The following GFRA1 variants were observed in gnomAD, a reference collection of about 807,000 sequenced individuals.
GFRA1 encodes the protein GDNF family receptor alpha 1.
A neutral mutation model predicts 51.6 loss-of-function variants in GFRA1; 16 were observed. The ratio of observed to expected loss-of-function variants is 0.31; its 90% CI spans 0.21 to 0.47. The LOEUF is 0.47. Among genes scored for constraint, GFRA1 ranks in the 20% least tolerant of loss-of-function variants. GFRA1 has a pLI of 1.00. For synonymous variants in GFRA1, 270 were observed against 241.3 expected (o/e 1.12, Z -1.10); for missense variants, 530 against 594.3 (o/e 0.89, Z 1.13).
chr10:116,133,907 A>C (rs904346964), intron 5 of GFRA1, among the ~76,000 whole-genome samples: 9 of 152,222 alleles, frequency 5.9e-5, no homozygotes, highest in African/African-American at 2.2e-4. Flanking sequence ...AACTGCCTTT[A>C]TCTCAAATAC....
At chr10:116,136,322 G>A (rs1019435553) in intron 5 of GFRA1, among the ~76,000 whole-genome samples, 1 of 152,150 alleles carries the variant, frequency 6.6e-6, no homozygotes. Flanking sequence ...ATTTTATGGG[G>A]TACAAACTGT....
chr10:116,093,433 C>T (rs1003297181), intron 8 of GFRA1, among the ~76,000 whole-genome samples: 1 of 152,156 alleles, frequency 6.6e-6, no homozygotes, highest in Non-Finnish European at 1.5e-5. Flanking sequence ...TCTCTCAGGC[C>T]TTTGGATTCA....
At chr10:116,104,664 C>T (rs948237108) in intron 6 of GFRA1, among the ~76,000 whole-genome samples, 15 of 152,160 alleles carry the variant, frequency 9.9e-5, no homozygotes, top group Admixed American at 7.2e-4. Flanking sequence ...AGTAGCCCCC[C>T]GAGGGAAGTC....
chr10:116,227,760 A>T (rs1010861774), intron 4 of GFRA1, among the ~76,000 whole-genome samples: 4 of 152,198 alleles, frequency 2.6e-5, no homozygotes, highest in African/African-American at 9.7e-5. Flanking sequence ...AACAGAGCTT[A>T]ATTCCATCTC....
chr10:116,238,273 C>G (rs976408628), intron 4 of GFRA1, among the ~76,000 whole-genome samples: 5 of 152,138 alleles, frequency 3.3e-5, no homozygotes, highest in Non-Finnish European at 7.4e-5. Flanking sequence ...ACGCCGCCTG[C>G]CAGGTAACCT....
At chr10:116,243,724 T>C (rs1967609685) in intron 4 of GFRA1, among the ~76,000 whole-genome samples, 1 of 152,064 alleles carries the variant, frequency 6.6e-6, no homozygotes, top group African/African-American at 2.4e-5. Flanking sequence ...TTGATTCCAG[T>C]GTACAGCCTG....
intron 9 of GFRA1, among the ~76,000 whole-genome samples, chr10:116,084,833 C>G (rs1192421977): frequency 6.7e-6 from 1 of 149,954 alleles, no homozygotes; most frequent in African/African-American, 2.5e-5. Context: ...TTTAAATATC[C>G]TGAGCTTTTT....
At position 116,063,804 on chromosome 10, in the gene GFRA1, C is replaced by T. The variant is rs1221166460; in HGVS notation, c.*594G>A. ...CAAGAGTGCAGAACTGTTTACAGTACATAAACATCAGCGTGGAAAATGCTA... is the reference window on the plus strand; with the variant it reads ...CAAGAGTGCAGAACTGTTTACAGTATATAAACATCAGCGTGGAAAATGCTA... On this transcript the variant is annotated 3_prime_UTR_variant, in exon 11 of 11. Coordinates refer to ENST00000355422, the MANE Select transcript of GFRA1 (RefSeq NM_005264.8). 2 of 156,504 alleles carry T rather than the reference C, an allele frequency of 1.3e-5. No individual in the cohort carries two copies. The highest frequency in any genetic ancestry group is 2.0e-4 in the South Asian group (1 of 5,114). The allele number at this position is 156,504 out of a possible 1,614,324, so 9.7% of individuals were successfully genotyped here. A position where few individuals can be genotyped will look rare whatever the true frequency, so the allele number is the denominator to read the frequency against.
At chr10:116,138,919 A>G (rs1213813634) in intron 5 of GFRA1, among the ~76,000 whole-genome samples, 2 of 152,298 alleles carry the variant, frequency 1.3e-5, no homozygotes, top group East Asian at 3.9e-4. Flanking sequence ...CTGAAGAATG[A>G]AGTTTAAGCC....
intron 9 of GFRA1, among the ~76,000 whole-genome samples, chr10:116,079,381 A>T (rs935099014): frequency 6.6e-6 from 1 of 152,062 alleles, no homozygotes. Flanking sequence ...CCTAGGAAAG[A>T]TTTGGTCCAG....
intron 5 of GFRA1, among the ~76,000 whole-genome samples, chr10:116,143,656 TTCTCTCTCTCTC>T (rs3837365): frequency 6.7e-6 from 1 of 150,032 alleles, no homozygotes; most frequent in African/African-American, 2.5e-5. Flanking sequence ...GTTTCATTCA[TTCTCTCTCTCTC>T]TCTCTCTCTC....
At chr10:116,069,678 T>TA (rs1192235910) in intron 9 of GFRA1, among the ~76,000 whole-genome samples, 1 of 152,228 alleles carries the variant, frequency 6.6e-6, no homozygotes, top group Non-Finnish European at 1.5e-5. Context: ...TAACCTCTGT[T>TA]ACCTGGAGTC....
intron 5 of GFRA1, among the ~76,000 whole-genome samples, chr10:116,140,149 A>G (rs1314156661): frequency 6.6e-6 from 1 of 152,210 alleles, no homozygotes; most frequent in African/African-American, 2.4e-5. Flanking sequence ...TTCCTAAGGT[A>G]GAAGTGTGAA....
chr10:116,153,359 A>T (rs905798818), intron 5 of GFRA1, among the ~76,000 whole-genome samples: 6 of 152,214 alleles, frequency 3.9e-5, no homozygotes, highest in African/African-American at 1.4e-4. Context: ...GAGCAAGAGT[A>T]GGTTTGTGCA....
intron 5 of GFRA1, among the ~76,000 whole-genome samples, chr10:116,167,361 G>A (rs1426103887): frequency 6.6e-6 from 1 of 151,986 alleles, no homozygotes; most frequent in Non-Finnish European, 1.5e-5. Flanking sequence ...TTTCTCCTTG[G>A]AACAACTCTA....
chr10:116,223,002 G>A (rs190059389), intron 4 of GFRA1, among the ~76,000 whole-genome samples: 138 of 152,180 alleles, frequency 9.1e-4, no homozygotes, highest in South Asian at 6.0e-3. Flanking sequence ...TATACAGAAG[G>A]ATGTGCATAA....
intron 5 of GFRA1, among the ~76,000 whole-genome samples, chr10:116,134,220 G>A (rs930503350): frequency 2.6e-5 from 4 of 152,134 alleles, no homozygotes; most frequent in Non-Finnish European, 5.9e-5. Flanking sequence ...GTATCTTTCT[G>A]CCTTTCTTTT....
chr10:116,183,145 ATTTCC>A (rs1464433763), intron 5 of GFRA1, among the ~76,000 whole-genome samples: 3 of 152,146 alleles, frequency 2.0e-5, no homozygotes, highest in Non-Finnish European at 4.4e-5. Context: ...GTGTTGATCA[ATTTCC>A]TTTCCTTTCA....
chr10:116,128,725 CAAA>C (rs67642059), intron 5 of GFRA1, among the ~76,000 whole-genome samples: 10,978 of 86,986 alleles, frequency 0.13, 351 homozygotes, highest in East Asian at 0.22. Flanking sequence ...GACTCTGTCT[CAAA>C]AAAAAAAAAA....
Sources: allele counts gnomAD v4.1 joint callset (sites outside exome capture counted in the v4.1 genomes callset), GRCh38; gene constraint gnomAD v4.1.1; transcripts MANE v1.5; gene names NCBI Gene and HGNC (gene_info 2026-07-23, HGNC 2026-07-21).